EGF: variants seen among roughly 807,000 people sequenced by gnomAD.
EGF encodes epidermal growth factor, also known as pro-epidermal growth factor.
EGF carries 95 observed loss-of-function variants against 143.8 expected under a neutral mutation model. The ratio of observed to expected loss-of-function variants is 0.66; its 90% CI spans 0.56 to 0.78. The LOEUF (loss-of-function observed/expected upper bound fraction) is 0.78, where lower values mean the gene tolerates loss of function less well. Ranked by LOEUF, EGF falls within the 30% of genes least tolerant of loss-of-function variation. The probability of loss-of-function intolerance (pLI) is 0.00; values close to 1 mark genes in which losing one functional copy is unlikely to be tolerated. For synonymous variants in EGF, 510 were observed against 510.5 expected (o/e 1.00, Z 0.01); for missense variants, 1,320 against 1,470.9 (o/e 0.90, Z 1.68).
At chr4:109,922,953 AC>A in intron 1 of EGF, among the ~76,000 whole-genome samples, 1 of 151,732 alleles carries the variant, frequency 6.6e-6, no homozygotes, top group East Asian at 1.9e-4. Flanking sequence ...TTTTTATAAT[AC>A]CTGTTTCTTC....
At chr4:109,965,784 A>AG (rs1413215606) in intron 10 of EGF, among the ~76,000 whole-genome samples, 4 of 152,112 alleles carry the variant, frequency 2.6e-5, no homozygotes, top group Admixed American at 2.6e-4. Flanking sequence ...GCATTTTAAC[A>AG]ATATTATCAG....
chr4:110,004,283 C>A, intron 21 of EGF: 1 of 584,302 alleles, frequency 1.7e-6, no homozygotes, highest in African/African-American at 1.9e-5. Context: ...CTCACAGAAC[C>A]TTGGAAAGAG....
chr4:110,006,907 A>G (rs1427173932), intron 22 of EGF, among the ~76,000 whole-genome samples: 1 of 152,202 alleles, frequency 6.6e-6, no homozygotes, highest in Non-Finnish European at 1.5e-5. Context: ...AAACAAATGT[A>G]GTTCTATCAG....
intron 1 of EGF, among the ~76,000 whole-genome samples, chr4:109,926,277 C>G (rs2125953956): frequency 6.6e-6 from 1 of 151,844 alleles, no homozygotes; most frequent in South Asian, 2.1e-4. Flanking sequence ...CTCTTGAGCC[C>G]AGGAGTTCAA....
At chr4:109,950,997 T>A (rs1317572240) in intron 5 of EGF, among the ~76,000 whole-genome samples, 1 of 151,806 alleles carries the variant, frequency 6.6e-6, no homozygotes, top group Non-Finnish European at 1.5e-5. Flanking sequence ...TAAACGACTT[T>A]AAGAAACAAG....
chr4:109,980,954 G>T lies in EGF; in HGVS notation c.2350G>T (p.Asp784Tyr). The part of the protein sequence containing the change: ...ASDGKTCLAL[D>Y]GHQLLAGGEV... Reference sequence around the variant, plus strand: ...AGATGGGAAAACGTGTCTGGCTCTGGATGGTCATCAGCTGTTGGCAGGTAA... The same window carrying T: ...AGATGGGAAAACGTGTCTGGCTCTGTATGGTCATCAGCTGTTGGCAGGTAA... The change falls in exon 15 of 24, where the codon GAT becomes TAT. Residue 784 changes from aspartate (D) to tyrosine (Y), a missense_variant. Physicochemically the swap from Asp to Tyr is radical, Grantham distance 160. Coordinates refer to ENST00000265171, the MANE Select transcript of EGF (RefSeq NM_001963.6). 1 of 1,614,122 alleles carries T rather than the reference G, an allele frequency of 6.2e-7. No homozygotes were observed. Among genetic ancestry groups the T allele is most frequent in the Non-Finnish European group, 8.5e-7 (1 of 1,179,988 alleles).
chr4:109,960,051 A>G (rs185319413), intron 6 of EGF, among the ~76,000 whole-genome samples: 84 of 152,346 alleles, frequency 5.5e-4, no homozygotes, highest in African/African-American at 1.9e-3. Flanking sequence ...AGGTAAATCT[A>G]GCATCTGCCT....
intron 15 of EGF, 96 bp downstream of exon 15, chr4:109,981,071 G>A: frequency 1.3e-6 from 2 of 1,541,384 alleles, no homozygotes; most frequent in South Asian, 2.2e-5. Flanking sequence ...GAATATTTTG[G>A]ATGTTAAAAG....
At chr4:109,990,520 G>A (rs1429177596) in intron 18 of EGF, among the ~76,000 whole-genome samples, 1 of 152,170 alleles carries the variant, frequency 6.6e-6, no homozygotes. Flanking sequence ...GTAGAGAGTA[G>A]CCTAGTTGAG....
rs1342193422 is a variant in EGF at position 109,993,004 on chromosome 4, A to ACT, written c.2735-243_2735-242insCT. 7.9e-5 allele frequency among the ~76,000 whole-genome samples: 12 copies of ACT among 151,090 alleles called. No homozygotes were observed. The East Asian group carries it at 2.3e-3, about 29-fold the overall frequency. On this transcript the variant is annotated intron_variant, in intron 18 of 23. Transcript: ENST00000265171. ...GGAGATACACCTAAAATAAATGACGAGTTAATGGGTGCAGCACACCAACAT... is the reference window on the plus strand; with the variant it reads ...GGAGATACACCTAAAATAAATGACGACTGTTAATGGGTGCAGCACACCAACAT...
intron 5 of EGF, 152 bp from the exon 6 acceptor site, chr4:109,959,160 G>C: frequency 8.2e-7 from 1 of 1,226,444 alleles, no homozygotes; most frequent in Non-Finnish European, 1.1e-6. Context: ...TCGGGATGCT[G>C]GGGAATCTGG....
chr4:109,954,469 T>C (rs1465740143), intron 5 of EGF, among the ~76,000 whole-genome samples: 1 of 152,184 alleles, frequency 6.6e-6, no homozygotes, highest in Non-Finnish European at 1.5e-5. Context: ...ATTTTTTTCT[T>C]TTTTTACTGT....
At chr4:109,965,910 T>C (rs1454979112) in intron 10 of EGF, among the ~76,000 whole-genome samples, 1 of 152,078 alleles carries the variant, frequency 6.6e-6, no homozygotes, top group Non-Finnish European at 1.5e-5. Context: ...GAGTAACCCA[T>C]TATTTAACGA....
At chr4:109,995,453 C>T (rs774143064) in intron 20 of EGF, among the ~76,000 whole-genome samples, 2 of 151,904 alleles carry the variant, frequency 1.3e-5, no homozygotes, top group Non-Finnish European at 2.9e-5. Context: ...CCCTTTTTGC[C>T]CCCATAAGGG....
In EGF at chr4:109,983,511, C is replaced by T. The variant is rs765752124; in HGVS notation, c.2461C>T (p.His821Tyr). ...AGAAGATAACATTACAGAATCTCAA[C>T]ACATGCTAGTGGCTGAAATCATGGT... The part of the protein sequence containing the change: ...VSEDNITESQ[H>Y]MLVAEIMVSD... The change falls in exon 16 of 24, where the codon CAC (histidine) becomes TAC (tyrosine). Residue 821 changes from histidine to tyrosine, a missense_variant. Transcript: ENST00000265171. 6.2e-7 allele frequency: 1 copy of T among 1,613,772 alleles called. No homozygotes were observed. The highest frequency in any genetic ancestry group is 1.1e-5 in the South Asian group (1 of 91,080).
intron 10 of EGF, 69 bp downstream of exon 10, chr4:109,964,606 A>G: frequency 6.2e-7 from 1 of 1,603,588 alleles, no homozygotes; most frequent in Non-Finnish European, 8.5e-7. Flanking sequence ...TATCCTAACA[A>G]ATGACCTGGC....
intron 11 of EGF, among the ~76,000 whole-genome samples, chr4:109,970,702 G>A (rs964574581): frequency 1.3e-5 from 2 of 151,902 alleles, no homozygotes; most frequent in African/African-American, 2.4e-5. Context: ...GTGGGCGCCT[G>A]TAGTCCCAGC....
Position 109,983,465 on chromosome 4 carries a change from C to G in EGF, c.2415C>G (p.Ile805Met), listed in dbSNP as rs770656149. Residue 805 changes from isoleucine to methionine, a missense_variant, in exon 16 of 24, where the codon ATC (isoleucine) becomes ATG (methionine). Around this residue, in one of 5 missense-constraint regions of EGF, gnomAD observed 1,186 missense variants for 1,313.7 expected, o/e 0.90. Transcript: ENST00000265171. ...AGAACCAAGTAACACCATTGGACATCTTGTCCAAGACTAGAGTGTCAGAAG... is the reference window on the plus strand; with the variant it reads ...AGAACCAAGTAACACCATTGGACATGTTGTCCAAGACTAGAGTGTCAGAAG... Reference protein sequence around the residue: ...DLKNQVTPLDILSKTRVSEDN... With the variant: ...DLKNQVTPLDMLSKTRVSEDN... 2 of 1,613,348 alleles carry G rather than the reference C, an allele frequency of 1.2e-6. No homozygotes were observed. The highest frequency in any genetic ancestry group is 1.7e-6 in the Non-Finnish European group (2 of 1,179,440).
At position 109,913,477 on chromosome 4, in the gene EGF, G is replaced by T; in HGVS notation, c.127+15G>T. 6.2e-7 allele frequency: 1 copy of T among 1,612,746 alleles called. No homozygotes were observed. Among genetic ancestry groups the T allele is most frequent in the Non-Finnish European group, 8.5e-7 (1 of 1,179,292 alleles). Reference sequence around the variant, plus strand: ...TACTTGTGTGGGTAAGTACTCCAATGAAAAGGTGCTCCAGGTCTCCGGGAA... The same window carrying T: ...TACTTGTGTGGGTAAGTACTCCAATTAAAAGGTGCTCCAGGTCTCCGGGAA... On this transcript the variant is annotated intron_variant, in intron 1 of 23. Transcript: ENST00000265171.
Sources: allele counts gnomAD v4.1 joint callset (sites outside exome capture counted in the v4.1 genomes callset), GRCh38; gene constraint gnomAD v4.1.1; regional missense constraint gnomAD v4.1.1; transcripts MANE v1.5; gene names NCBI Gene and HGNC (gene_info 2026-07-23, HGNC 2026-07-21).